PRKN: variants seen among roughly 807,000 people sequenced by gnomAD.
The protein encoded by PRKN is parkin RBR E3 ubiquitin protein ligase, also known as E3 ubiquitin-protein ligase parkin.
A neutral mutation model predicts 59.5 loss-of-function variants in PRKN; 56 were observed. The ratio of observed to expected loss-of-function variants is 0.94; its 90% CI spans 0.76 to 1.18. The LOEUF is 1.18. PRKN is among the 50% of genes most tolerant of loss of function. The pLI is 0.00. For synonymous variants in PRKN, 250 were observed against 222.1 expected, an observed-to-expected ratio of 1.13 and a Z score of -1.12; for missense variants, 657 against 596.4, an observed-to-expected ratio of 1.10 and a Z score of -1.06.
chr6:161,757,562 G>T (rs983335369), intron 7 of PRKN, among the ~76,000 whole-genome samples: 1 of 152,080 alleles, frequency 6.6e-6, no homozygotes, highest in South Asian at 2.1e-4. Flanking sequence ...GTCAGGCCAG[G>T]CGCAGTGGCT....
intron 1 of PRKN, among the ~76,000 whole-genome samples, chr6:162,716,015 T>C (rs1255805228): frequency 2.6e-5 from 4 of 152,232 alleles, no homozygotes; most frequent in African/African-American, 9.6e-5. Context: ...ATGGTTACTT[T>C]CCATGTGTAC....
At chr6:161,351,645 G>A (rs538296376) in intron 11 of PRKN, among the ~76,000 whole-genome samples, 16 of 152,224 alleles carry the variant, frequency 1.1e-4, no homozygotes, top group African/African-American at 3.1e-4. Context: ...TTTTAATAGG[G>A]AATATGTTCC....
At chr6:162,222,480 A>T (rs1252393837) in intron 3 of PRKN, among the ~76,000 whole-genome samples, 1 of 152,152 alleles carries the variant, frequency 6.6e-6, no homozygotes, top group Non-Finnish European at 1.5e-5. Flanking sequence ...AGCCTCAAGG[A>T]GCTGAAAGCA....
chr6:162,600,944 C>A (rs907311896), intron 1 of PRKN, among the ~76,000 whole-genome samples: 1 of 152,160 alleles, frequency 6.6e-6, no homozygotes, highest in Non-Finnish European at 1.5e-5. Flanking sequence ...TCAGACATTT[C>A]TTTATAGTAG....
intron 1 of PRKN, among the ~76,000 whole-genome samples, chr6:162,556,364 T>TGTGTGC (rs1554243420): frequency 1.3e-4 from 12 of 91,174 alleles, no homozygotes; most frequent in East Asian, 6.2e-4. Flanking sequence ...TGTGTGTGTG[T>TGTGTGC]GTGTGTGTGT....
chr6:161,714,446 G>T (rs1786885889), intron 7 of PRKN, among the ~76,000 whole-genome samples: 2 of 152,202 alleles, frequency 1.3e-5, no homozygotes, highest in Non-Finnish European at 2.9e-5. Flanking sequence ...ACACAGCAAG[G>T]AGGTGTCATC....
intron 7 of PRKN, among the ~76,000 whole-genome samples, chr6:161,728,470 G>A (rs1787541421): frequency 6.6e-6 from 1 of 152,102 alleles, no homozygotes; most frequent in African/African-American, 2.4e-5. Flanking sequence ...AGAGGAAGAG[G>A]GGCTTGTCAC....
At chr6:161,945,019 G>A (rs914612430) in intron 6 of PRKN, among the ~76,000 whole-genome samples, 3 of 152,094 alleles carry the variant, frequency 2.0e-5, no homozygotes, top group African/African-American at 7.2e-5. Flanking sequence ...GATTAAATTT[G>A]TCAGTATTGT....
chr6:162,651,022 T>C (rs1337429296), intron 1 of PRKN, among the ~76,000 whole-genome samples: 1 of 152,178 alleles, frequency 6.6e-6, no homozygotes, highest in African/African-American at 2.4e-5. Flanking sequence ...AAGAAACACA[T>C]TGCCTTTTCT....
At chr6:162,475,315 A>G (rs550680677) in intron 1 of PRKN, among the ~76,000 whole-genome samples, 6 of 152,208 alleles carry the variant, frequency 3.9e-5, no homozygotes, top group Non-Finnish European at 5.9e-5. Flanking sequence ...GAATTATTCA[A>G]CGTCAAGTGT....
intron 4 of PRKN, among the ~76,000 whole-genome samples, chr6:162,152,858 G>A (rs1011950995): frequency 1.3e-5 from 2 of 152,164 alleles, no homozygotes; most frequent in African/African-American, 4.8e-5. Context: ...GGATCATGAT[G>A]TGAAATCTAT....
chr6:162,393,213 GCAATGGTGCACTCTCAGCTCA>G (rs1267888556), intron 2 of PRKN, among the ~76,000 whole-genome samples: 2 of 136,468 alleles, frequency 1.5e-5, no homozygotes, highest in Admixed American at 1.7e-4. Flanking sequence ...AGGCTGGAGT[GCAATGGTGCACTCTCAGCTCA>G]CTGCAACCTC....
intron 8 of PRKN, among the ~76,000 whole-genome samples, chr6:161,558,978 T>C (rs1439565596): frequency 1.3e-5 from 2 of 150,886 alleles, no homozygotes; most frequent in African/African-American, 4.9e-5. Flanking sequence ...GGGCTGGACC[T>C]TGTTAATTGC....
intron 7 of PRKN, among the ~76,000 whole-genome samples, chr6:161,635,302 C>A (rs771686314): frequency 6.6e-6 from 1 of 152,152 alleles, no homozygotes; most frequent in East Asian, 1.9e-4. Flanking sequence ...ATAGTAGAAT[C>A]GCTTCTCTAC....
intron 1 of PRKN, among the ~76,000 whole-genome samples, chr6:162,526,641 G>A (rs552519545): frequency 3.3e-5 from 5 of 151,840 alleles, no homozygotes; most frequent in Admixed American, 6.6e-5. Context: ...GAAGGTTTGT[G>A]GATTAAACCA....
intron 7 of PRKN, among the ~76,000 whole-genome samples, chr6:161,651,632 G>C (rs1182797817): frequency 6.6e-6 from 1 of 152,124 alleles, no homozygotes; most frequent in Non-Finnish European, 1.5e-5. Flanking sequence ...AGTGTGGTCA[G>C]GTTATTAAGG....
chr6:162,430,594 T>C (rs1432484697), intron 2 of PRKN, among the ~76,000 whole-genome samples: 2 of 151,928 alleles, frequency 1.3e-5, no homozygotes, highest in Non-Finnish European at 1.5e-5. Context: ...CATATATATA[T>C]ATATATCTTG....
intron 2 of PRKN, among the ~76,000 whole-genome samples, chr6:162,325,615 C>T (rs1783233676): frequency 6.6e-6 from 1 of 152,120 alleles, no homozygotes; most frequent in African/African-American, 2.4e-5. Context: ...CAGCACAGTC[C>T]TGCAGCTTCC....
chr6:162,725,636 A>G (rs950997351), intron 1 of PRKN, among the ~76,000 whole-genome samples: 2 of 151,902 alleles, frequency 1.3e-5, no homozygotes, highest in South Asian at 2.1e-4. Context: ...GGTGGCACAC[A>G]CCTGTAGTCA....
Sources: allele counts gnomAD v4.1 joint callset (sites outside exome capture counted in the v4.1 genomes callset), GRCh38; gene constraint gnomAD v4.1.1; transcripts MANE v1.5; gene names NCBI Gene and HGNC (gene_info 2026-07-23, HGNC 2026-07-21).